Variants in FSIP2 observed in about 807,000 individuals in gnomAD.
FSIP2 encodes fibrous sheath interacting protein 2.
In FSIP2, 367 loss-of-function variants were observed where a neutral mutation model predicts 510.5. The observed-to-expected ratio is 0.72, with a 90% CI of 0.66 to 0.78. The LOEUF is 0.78. FSIP2 is among the 30% of genes least tolerant of loss of function. The pLI is 0.00. For missense variants in FSIP2, 7,594 were observed against 7,901.7 expected (o/e 0.96, Z 1.48); for synonymous variants, 2,601 against 2,732.2 (o/e 0.95, Z 1.50).
At chr2:185,764,456 A>AT (rs751012789) in intron 12 of FSIP2, 46 bp from the exon 13 acceptor site, 1,066 of 1,250,340 alleles carry the variant, frequency 8.5e-4, no homozygotes, top group South Asian at 9.8e-4. Context: ...GAGTCCTAAA[A>AT]TTTTTTTTTG....
chr2:185,754,965 A>C (rs1692214073), intron 8 of FSIP2, among the ~76,000 whole-genome samples: 1 of 151,542 alleles, frequency 6.6e-6, no homozygotes, highest in Non-Finnish European at 1.5e-5. Context: ...TGTTTAGTTA[A>C]ATTAGACTAC....
At chr2:185,766,338 G>C (rs1692479268) in intron 13 of FSIP2, 1 of 150,000 alleles carries the variant, frequency 6.7e-6, no homozygotes, top group Admixed American at 6.6e-5. Flanking sequence ...AAACTAAAGA[G>C]CTTCTGCACA....
Position 185,811,163 on chromosome 2 carries a change from G to A in FSIP2, c.19827+2030G>A, listed in dbSNP as rs1036794082. On this transcript the variant is annotated intron_variant, in intron 17 of 22. Transcript: ENST00000424728. ...GGAATTTATATTTCAAAGAGAAGCA[G>A]AGCATAAAAGTTTGGAAAATTAGCT... 2.6e-5 allele frequency among the ~76,000 whole-genome samples: 4 copies of A among 152,012 alleles called. 1 individual carries two copies. The highest frequency in any genetic ancestry group is 5.9e-5 in the Non-Finnish European group (4 of 67,994).
intron 7 of FSIP2, among the ~76,000 whole-genome samples, chr2:185,752,365 T>C (rs1026285103): frequency 6.6e-6 from 1 of 151,340 alleles, no homozygotes; most frequent in Non-Finnish European, 1.5e-5. Context: ...TTTTTCTTTT[T>C]ATCCCTAGTT....
chr2:185,804,476 T>C lies in FSIP2; in HGVS notation c.15170T>C (p.Ile5057Thr). Reference protein sequence around the residue: ...QSDTICFGRKIYYLLLEEIYD... With the variant: ...QSDTICFGRKTYYLLLEEIYD... Reference sequence around the variant, plus strand: ...GACACAATATGTTTTGGTAGGAAAATATATTATTTGCTATTGGAAGAAATA... The same window carrying C: ...GACACAATATGTTTTGGTAGGAAAACATATTATTTGCTATTGGAAGAAATA... The change falls in exon 17 of 23, where the codon ATA (isoleucine) becomes ACA (threonine). Residue 5057 changes from isoleucine to threonine, a missense_variant. By Grantham distance (89) the Ile-to-Thr change is moderately conservative. Transcript: ENST00000424728. 1 of 1,515,738 alleles carries C rather than the reference T, an allele frequency of 6.6e-7. No homozygotes were observed. The highest frequency in any genetic ancestry group is 8.8e-7 in the Non-Finnish European group (1 of 1,135,384). 93.9% of individuals were successfully genotyped at this position (1,515,738 alleles called of 1,614,324 possible).
rs1693623173 is a variant in FSIP2, at chr2:185,807,814, C to T, written c.18508C>T (p.His6170Tyr). ...TTDVPLPKPS[H>Y]ADKLSYNIIE... ...TGATGTGCCCCTACCTAAACCTTCA[C>T]ATGCTGATAAGCTGTCTTATAACAT... is the stretch of plus-strand genomic sequence containing the variant. The change falls in exon 17 of 23, where the codon CAT (histidine) becomes TAT (tyrosine). Residue 6170 changes from histidine to tyrosine, a missense_variant. Coordinates refer to ENST00000424728, the MANE Select transcript of FSIP2 (RefSeq NM_173651.4). The T allele has an allele frequency of 6.2e-7, 1 of 1,612,568 alleles. No individual in the cohort carries two copies. The highest frequency in any genetic ancestry group is 8.5e-7 in the Non-Finnish European group (1 of 1,179,194).
intron 15 of FSIP2, among the ~76,000 whole-genome samples, chr2:185,787,511 C>T (rs1381251409): frequency 6.6e-6 from 1 of 151,792 alleles, no homozygotes; most frequent in African/African-American, 2.4e-5. Flanking sequence ...CTGAGACCTA[C>T]ATATCAGCCT....
chr2:185,791,561 A>AT lies in FSIP2; in HGVS notation c.4427dup (p.Leu1476PhefsTer4). On this transcript the variant is annotated frameshift_variant, in exon 16 of 23. Coordinates refer to ENST00000424728, the MANE Select transcript of FSIP2 (RefSeq NM_173651.4). LOFTEE classifies it high-confidence loss of function. ...ATAAGAATCAGAAAATGGCTGCTGC[A>AT]TTGCAGTCTAATATTCAGTTAATTT... The AT allele has an allele frequency of 6.5e-7, 1 of 1,534,320 alleles. No homozygotes were observed. The highest frequency in any genetic ancestry group is 1.4e-5 in the African/African-American group (1 of 73,014).
intron 9 of FSIP2, among the ~76,000 whole-genome samples, chr2:185,760,591 T>C (rs1692330770): frequency 6.7e-6 from 1 of 150,176 alleles, no homozygotes; most frequent in East Asian, 1.9e-4. Flanking sequence ...AACAGGTAAG[T>C]GGATAAAAAA....
chr2:185,830,717 C>A (rs970630804), intron 21 of FSIP2, among the ~76,000 whole-genome samples: 2 of 151,684 alleles, frequency 1.3e-5, no homozygotes, highest in Non-Finnish European at 2.9e-5. Context: ...TATTTTTGAT[C>A]TCTGGTTGGT....
intron 13 of FSIP2, among the ~76,000 whole-genome samples, chr2:185,768,073 G>T (rs1037591034): frequency 6.6e-5 from 10 of 152,034 alleles, no homozygotes; most frequent in African/African-American, 2.4e-4. Context: ...TAAGAGATGT[G>T]AAGTGGTATA....
At chr2:185,753,683 A>AAGTT in intron 7 of FSIP2, 39 bp from the exon 8 acceptor site, 1 of 859,956 alleles carries the variant, frequency 1.2e-6, no homozygotes, top group Non-Finnish European at 1.7e-6. Context: ...TCTAAATGGC[A>AAGTT]AGTTAATATT....
intron 10 of FSIP2, among the ~76,000 whole-genome samples, 153 bp from the exon 11 acceptor site, chr2:185,761,819 T>G (rs941731694): frequency 7.3e-5 from 11 of 151,304 alleles, no homozygotes; most frequent in African/African-American, 2.7e-4. Flanking sequence ...CCTAGGAGGT[T>G]GATGATATGT....
Position 185,757,206 on chromosome 2 carries a change from A to C in FSIP2, c.1078+928A>C, listed in dbSNP as rs201277164. 5.9e-5 allele frequency among the ~76,000 whole-genome samples: 9 copies of C among 151,602 alleles called. No individual in the cohort carries two copies. In the East Asian group the frequency reaches 1.8e-3, roughly 30 times the overall value. ...TTATCTCAAGCAAACTGATCCTGTAAAAATCTGGTGTTTAATGCATCCCAG... is the reference window on the plus strand; with the variant it reads ...TTATCTCAAGCAAACTGATCCTGTACAAATCTGGTGTTTAATGCATCCCAG... On this transcript the variant is annotated intron_variant, in intron 9 of 22. Transcript: ENST00000424728.
Position 185,746,758 on chromosome 2 carries a change from G to A in FSIP2, c.707G>A (p.Arg236Gln), listed in dbSNP as rs1051987034. The change falls in exon 6 of 23, where the codon CGA becomes CAA. Residue 236 changes from arginine to glutamine, a missense_variant. Physicochemically the swap from Arg to Gln is conservative, Grantham distance 43 (BLOSUM62 1). Transcript: ENST00000424728. Reference sequence around the variant, plus strand: ...TTCCTAATGGATAGAGAAGAAAGACGACAGCGGGAACACACAAGAAGAAAA... The same window carrying A: ...TTCCTAATGGATAGAGAAGAAAGACAACAGCGGGAACACACAAGAAGAAAA... ...RLFLMDREERRQREHTRRKLT... is the reference protein window; with the variant it reads ...RLFLMDREERQQREHTRRKLT... 37 of 1,531,660 alleles carry A rather than the reference G, an allele frequency of 2.4e-5. No individual in the cohort carries two copies. Among genetic ancestry groups the A allele is most frequent in the South Asian group, 4.8e-5 (4 of 83,218 alleles). The allele number at this position is 1,531,660 out of a possible 1,614,324, so 94.9% of individuals were successfully genotyped here.
At chr2:185,779,201 T>C (rs1220211052) in intron 13 of FSIP2, among the ~76,000 whole-genome samples, 4 of 152,068 alleles carry the variant, frequency 2.6e-5, no homozygotes, top group Admixed American at 2.6e-4. Context: ...TCGGAAGTTT[T>C]CTACTGCCTT....
Position 185,802,223 on chromosome 2 carries a change from A to T in FSIP2, c.12917A>T (p.Asp4306Val), listed in dbSNP as rs1212027648. 1.3e-6 allele frequency: 2 copies of T among 1,533,694 alleles called. No homozygotes were observed. Among genetic ancestry groups the T allele is most frequent in the Non-Finnish European group, 1.7e-6 (2 of 1,145,286 alleles). The change falls in exon 17 of 23, where the codon GAT becomes GTT. Residue 4306 changes from aspartate (D) to valine (V), a missense_variant. By Grantham distance (152) the Asp-to-Val change is radical. Coordinates refer to ENST00000424728, the MANE Select transcript of FSIP2 (RefSeq NM_173651.4). The part of the protein sequence containing the change: ...QKQSPLDIHL[D>V]SFVREIVARL... Reference sequence around the variant, plus strand: ...CAATCACCTTTAGATATTCACCTTGATTCATTTGTAAGGGAGATTGTTGCC... The same window carrying T: ...CAATCACCTTTAGATATTCACCTTGTTTCATTTGTAAGGGAGATTGTTGCC...
chr2:185,798,197 A>G (rs1434061091), intron 16 of FSIP2, among the ~76,000 whole-genome samples: 1 of 151,850 alleles, frequency 6.6e-6, no homozygotes, highest in South Asian at 2.1e-4. Context: ...CTTTATAATC[A>G]TATGGGATGT....
intron 16 of FSIP2, 59 bp from the exon 17 acceptor site, chr2:185,799,638 A>G (rs943234652): frequency 1.4e-5 from 12 of 834,066 alleles, no homozygotes; most frequent in Non-Finnish European, 1.9e-5. Context: ...TTTCAAATAT[A>G]TTGAATTTTC....
Sources: allele counts gnomAD v4.1 joint callset (sites outside exome capture counted in the v4.1 genomes callset), GRCh38; gene constraint gnomAD v4.1.1; transcripts MANE v1.5; gene names NCBI Gene and HGNC (gene_info 2026-07-23, HGNC 2026-07-21).